KCTD8: variants seen among roughly 807,000 people sequenced by gnomAD.
KCTD8 encodes potassium channel tetramerization domain containing 8, also known as BTB/POZ domain-containing protein KCTD8.
Under a neutral mutation model 31.5 loss-of-function variants are expected in KCTD8, and 27 were observed. That is an observed-to-expected ratio of 0.86 (90% CI 0.63 to 1.18). The LOEUF (loss-of-function observed/expected upper bound fraction) is 1.18. Among genes scored for constraint, KCTD8 ranks in the 50% most tolerant of loss-of-function variants. The pLI, the probability that KCTD8 is intolerant of heterozygous loss-of-function variation, is 0.00. For synonymous variants in KCTD8, 290 were observed against 280.0 expected (o/e 1.04, Z -0.36); for missense variants, 658 against 647.7 (o/e 1.02, Z -0.17).
chr4:44,203,374 G>T (rs1714206038), intron 1 of KCTD8, among the ~76,000 whole-genome samples: 1 of 151,586 alleles, frequency 6.6e-6, no homozygotes, highest in South Asian at 2.1e-4. Context: ...GTGGAGGCAG[G>T]CGCTTGTAAT....
At chr4:44,266,995 A>G (rs1560410511) in intron 1 of KCTD8, among the ~76,000 whole-genome samples, 2 of 152,142 alleles carry the variant, frequency 1.3e-5, no homozygotes, top group African/African-American at 4.8e-5. Flanking sequence ...CGAGACAAAA[A>G]GTTAACAAGG....
chr4:44,198,631 C>G (rs1180330378), intron 1 of KCTD8, among the ~76,000 whole-genome samples: 1 of 152,108 alleles, frequency 6.6e-6, no homozygotes, highest in Non-Finnish European at 1.5e-5. Context: ...TACCACCAGA[C>G]CAGCCTTACA....
intron 1 of KCTD8, among the ~76,000 whole-genome samples, chr4:44,342,287 T>C (rs1341263501): frequency 6.9e-6 from 1 of 145,564 alleles, no homozygotes; most frequent in Non-Finnish European, 1.5e-5. Context: ...GACAATGGCA[T>C]GAACCCAGGA....
intron 1 of KCTD8, among the ~76,000 whole-genome samples, chr4:44,431,036 G>A (rs1419939099): frequency 1.3e-5 from 2 of 151,264 alleles, no homozygotes; most frequent in African/African-American, 4.8e-5. Context: ...AAAACAAACT[G>A]TACTTCAATA....
At chr4:44,354,569 C>G (rs1159901376) in intron 1 of KCTD8, among the ~76,000 whole-genome samples, 1 of 152,094 alleles carries the variant, frequency 6.6e-6, no homozygotes, top group Non-Finnish European at 1.5e-5. Flanking sequence ...TCATTTAATA[C>G]ACTCATTTTA....
chr4:44,416,164 T>C (rs1042752750), intron 1 of KCTD8, among the ~76,000 whole-genome samples: 4 of 152,226 alleles, frequency 2.6e-5, no homozygotes, highest in African/African-American at 4.8e-5. Flanking sequence ...CCTGCTAGAT[T>C]TCAGATTTTT....
chr4:44,240,144 C>A (rs1715404903), intron 1 of KCTD8, among the ~76,000 whole-genome samples: 1 of 152,186 alleles, frequency 6.6e-6, no homozygotes, highest in African/African-American at 2.4e-5. Flanking sequence ...TGTAAAACTG[C>A]TTGAGATACT....
chr4:44,245,923 A>C (rs558403555), intron 1 of KCTD8, among the ~76,000 whole-genome samples: 1 of 152,160 alleles, frequency 6.6e-6, no homozygotes, highest in African/African-American at 2.4e-5. Flanking sequence ...TTTTTTTATA[A>C]GTTTCTGATA....
At chr4:44,255,051 T>C (rs1026391385) in intron 1 of KCTD8, among the ~76,000 whole-genome samples, 1 of 151,882 alleles carries the variant, frequency 6.6e-6, no homozygotes, top group African/African-American at 2.4e-5. Context: ...TAGATGAGTA[T>C]ATAAGGTATT....
At chr4:44,336,674 GA>G (rs1363541780) in intron 1 of KCTD8, among the ~76,000 whole-genome samples, 5 of 151,960 alleles carry the variant, frequency 3.3e-5, no homozygotes, top group Non-Finnish European at 7.4e-5. Flanking sequence ...GGAAGATAAT[GA>G]AACTGAAAAA....
At chr4:44,286,878 G>T (rs184539561) in intron 1 of KCTD8, among the ~76,000 whole-genome samples, 10 of 152,228 alleles carry the variant, frequency 6.6e-5, no homozygotes, top group African/African-American at 2.4e-4. Context: ...AGCAGATTCA[G>T]GATAGAAGTA....
chr4:44,435,638 C>T lies in KCTD8; in HGVS notation c.961+11925G>A, dbSNP rs550399080. Among the ~76,000 whole-genome samples, 4 of 152,110 alleles carry T rather than the reference C, an allele frequency of 2.6e-5. No homozygotes were observed. The East Asian group carries it at 5.8e-4, about 22-fold the overall frequency. On this transcript the variant is annotated intron_variant, in intron 1 of 1. Transcript: ENST00000360029. ...AAATGCCATAAGGGGAGTTATGCAA[C>T]GATGTTTTTGCAGAAATGAAATGTG...
Position 44,204,599 on chromosome 4 carries a change from G to A in KCTD8, c.962-29349C>T, listed in dbSNP as rs371426861. On this transcript the variant is annotated intron_variant, in intron 1 of 1. Transcript: ENST00000360029. ...CAGGAATTGCTCACTCAGGGAGCTC[G>A]GTTTTTGAGACATGAGTCTTGCTGA... Among the ~76,000 whole-genome samples, 69 of 152,134 alleles carry A rather than the reference G, an allele frequency of 4.5e-4. 1 individual carries two copies. The South Asian group carries it at 0.011, about 23-fold the overall frequency.
At chr4:44,255,600 A>C (rs541130051) in intron 1 of KCTD8, among the ~76,000 whole-genome samples, 1 of 151,918 alleles carries the variant, frequency 6.6e-6, no homozygotes, top group East Asian at 1.9e-4. Context: ...CAGTAATTCA[A>C]TCTCACTGTT....
chr4:44,364,471 T>C (rs1167128049), intron 1 of KCTD8, among the ~76,000 whole-genome samples: 1 of 152,174 alleles, frequency 6.6e-6, no homozygotes, highest in Non-Finnish European at 1.5e-5. Context: ...ACTCTCATTT[T>C]TGATGAAAGT....
In KCTD8 at chr4:44,235,525, T is replaced by TTATATATATA. The variant is rs752341720; in HGVS notation, c.962-60285_962-60276dup. Among the ~76,000 whole-genome samples, 107 of 55,060 alleles carry TTATATATATA rather than the reference T, an allele frequency of 1.9e-3. 1 individual carries two copies. Among genetic ancestry groups the TTATATATATA allele is most frequent in the Non-Finnish European group, 3.1e-3 (81 of 26,354 alleles). The allele number at this position is 55,060 out of a possible 152,430, so 36.1% of individuals were successfully genotyped here. A position where few individuals can be genotyped will look rare whatever the true frequency, so the allele number is the denominator to read the frequency against. ...TGTATACAGAAAGAGAGACACTGGA[T>TTATATATATA]TATATATATATATATATATATATAT... On this transcript the variant is annotated intron_variant, in intron 1 of 1. Transcript: ENST00000360029.
rs570319069 is a variant in KCTD8, at chr4:44,382,591, G to A, written c.961+64972C>T. Among the ~76,000 whole-genome samples, 13 of 151,938 alleles carry A rather than the reference G, an allele frequency of 8.6e-5. No individual in the cohort carries two copies. In the East Asian group the frequency reaches 1.4e-3, roughly 16 times the overall value. On this transcript the variant is annotated intron_variant, in intron 1 of 1. Transcript: ENST00000360029. Reference sequence around the variant, plus strand: ...AAAATACAAAAAAAATTACCCGGGCGTGGTGGTGGGCACCTGTAATCCCAG... The same window carrying A: ...AAAATACAAAAAAAATTACCCGGGCATGGTGGTGGGCACCTGTAATCCCAG...
chr4:44,254,376 AC>A (rs1459312756), intron 1 of KCTD8, among the ~76,000 whole-genome samples: 1 of 151,926 alleles, frequency 6.6e-6, no homozygotes, highest in East Asian at 1.9e-4. Context: ...TTTTAAGGTC[AC>A]AATGCCAATG....
intron 1 of KCTD8, among the ~76,000 whole-genome samples, chr4:44,182,929 T>C (rs1208387338): frequency 6.6e-6 from 1 of 152,236 alleles, no homozygotes; most frequent in Non-Finnish European, 1.5e-5. Context: ...ATATATTAAG[T>C]ACTTTAAAAC....
Sources: allele counts gnomAD v4.1 joint callset (sites outside exome capture counted in the v4.1 genomes callset), GRCh38; gene constraint gnomAD v4.1.1; transcripts MANE v1.5; gene names NCBI Gene and HGNC (gene_info 2026-07-23, HGNC 2026-07-21).